PARP6: variants seen among roughly 807,000 people sequenced by gnomAD.
PARP6 encodes poly(ADP-ribose) polymerase family member 6, also known as protein mono-ADP-ribosyltransferase PARP6.
Under a neutral mutation model 92.0 loss-of-function variants are expected in PARP6, and 27 were observed. That is an observed-to-expected ratio of 0.29 (90% confidence interval 0.22 to 0.40). The LOEUF (loss-of-function observed/expected upper bound fraction) is 0.40. Ranked by LOEUF, PARP6 falls within the 10% of genes least tolerant of loss-of-function variation. The pLI is 1.00. For synonymous variants in PARP6, 272 were observed against 281.2 expected (o/e 0.97, Z 0.33); for missense variants, 501 against 784.5 (o/e 0.64, Z 4.32).
intron 9 of PARP6, among the ~76,000 whole-genome samples, chr15:72,261,017 T>G (rs901169077): frequency 5.9e-5 from 9 of 151,464 alleles, no homozygotes; most frequent in Admixed American, 3.3e-4. Context: ...GAAAAAAAAA[T>G]AGAGAGAGAG....
Position 72,242,276 on chromosome 15 carries a change from C to A in PARP6, c.1642-56G>T. ...GCCAGGTAGATGGGTACAGCTTTCC[C>A]TAGAGAGGCTGGTTAGCTGATGATT... On this transcript the variant is annotated intron_variant, in intron 21 of 23. Transcript: ENST00000569795. This position sits in a 1 kb window ranked among gnomAD's most constrained non-coding sequence, Gnocchi z 4.3. The A allele has an allele frequency of 7.2e-7, 1 of 1,394,586 alleles. No homozygotes were observed. Among genetic ancestry groups the A allele is most frequent in the East Asian group, 2.3e-5 (1 of 43,826 alleles). The allele number at this position is 1,394,586 out of a possible 1,614,324, so 86.4% of individuals were successfully genotyped here.
rs747510705 is a variant in PARP6 at position 72,250,837 on chromosome 15, C to T, written c.1418+8G>A. On this transcript the variant is annotated splice_region_variant and intron_variant, in intron 18 of 23. Coordinates refer to ENST00000569795, the MANE Select transcript of PARP6 (RefSeq NM_001323532.2). ...CCACCCCCACTGCCCAGCCCCCAGC[C>T]TCCTCACTGGAAGGCAAAGGTGCTG... 3.8e-6 allele frequency: 6 copies of T among 1,564,214 alleles called. No homozygotes were observed. The highest frequency in any genetic ancestry group is 5.3e-6 in the Non-Finnish European group (6 of 1,139,072).
chr15:72,264,014 C>CT (rs930888147), intron 8 of PARP6, among the ~76,000 whole-genome samples: 2 of 147,212 alleles, frequency 1.4e-5, no homozygotes, highest in African/African-American at 5.1e-5. Flanking sequence ...GAGCAAGACT[C>CT]TGTCTCCAAA....
chr15:72,250,772 T>C (rs1395272486), intron 18 of PARP6, 73 bp downstream of exon 18: 8 of 788,634 alleles, frequency 1.0e-5, no homozygotes, highest in African/African-American at 1.7e-5. Flanking sequence ...CACAAACTCA[T>C]ATCTCAAGGG....
chr15:72,270,341 T>C (rs1369451284), intron 2 of PARP6, among the ~76,000 whole-genome samples: 1 of 152,220 alleles, frequency 6.6e-6, no homozygotes, highest in South Asian at 2.1e-4. Context: ...GGTGAAGCTA[T>C]GTGACGTACA....
At chr15:72,246,696 A>T (rs2140912299) in intron 20 of PARP6, among the ~76,000 whole-genome samples, 1 of 152,314 alleles carries the variant, frequency 6.6e-6, no homozygotes, top group South Asian at 2.1e-4. Context: ...ACAATATAAA[A>T]AAGGCATCAC....
chr15:72,247,421 C>T (rs926395374), intron 20 of PARP6, among the ~76,000 whole-genome samples: 15 of 152,082 alleles, frequency 9.9e-5, no homozygotes, highest in African/African-American at 3.1e-4. Context: ...AATCATCCCA[C>T]GTCAGCCTCC....
At position 72,242,789 on chromosome 15, in the gene PARP6, C is replaced by T; in HGVS notation, c.1562-90G>A. 1 of 738,878 alleles carries T rather than the reference C, an allele frequency of 1.4e-6. No homozygotes were observed. The highest frequency in any genetic ancestry group is 2.3e-6 in the Non-Finnish European group (1 of 430,292). The allele number at this position is 738,878 out of a possible 1,614,324, so 45.8% of individuals were successfully genotyped here. The stretch of plus-strand genomic sequence containing the variant: ...GCACTGAGCTAGATGCTCATCAAAA[C>T]AGCAGAGAATAAAACAAAGAAGATT... On this transcript the variant is annotated intron_variant, in intron 20 of 23. Transcript: ENST00000569795. The surrounding 1 kb of genome is among the most constrained non-coding windows in gnomAD (Gnocchi z 4.3).
intron 15 of PARP6, 132 bp downstream of exon 15, chr15:72,254,323 A>G: frequency 1.5e-6 from 1 of 649,560 alleles, no homozygotes; most frequent in Non-Finnish European, 2.7e-6. Flanking sequence ...GGAAGGTTAA[A>G]GAGGAAAGAC....
chr15:72,267,335 C>T (rs2086734342), intron 3 of PARP6, 140 bp downstream of exon 3: 2 of 877,428 alleles, frequency 2.3e-6, no homozygotes, highest in Non-Finnish European at 3.7e-6. Flanking sequence ...TTCTGTGCCC[C>T]TTCCCTTTCC....
rs776969081 is a variant in PARP6 at position 72,242,743 on chromosome 15, G to C, written c.1562-44C>G. On this transcript the variant is annotated intron_variant, in intron 20 of 23. Coordinates refer to ENST00000569795, the MANE Select transcript of PARP6 (RefSeq NM_001323532.2). The surrounding 1 kb of genome is among the most constrained non-coding windows in gnomAD (Gnocchi z 4.3). ...CCCACTTCATTTATCAAAAATTTAC[G>C]AAAGTGCCTACTATGTCCCAGCACT... The C allele has an allele frequency of 1.6e-6, 2 of 1,279,042 alleles. No individual in the cohort carries two copies. The highest frequency in any genetic ancestry group is 1.9e-5 in the Admixed American group (1 of 52,882). 79.2% of individuals were successfully genotyped at this position (1,279,042 alleles called of 1,614,324 possible). A position where few individuals can be genotyped will look rare whatever the true frequency, so the allele number is the denominator to read the frequency against.
chr15:72,265,278 G>A, intron 6 of PARP6, 107 bp from the exon 7 acceptor site: 1 of 1,040,914 alleles, frequency 9.6e-7, no homozygotes, highest in Non-Finnish European at 1.5e-6. Flanking sequence ...ACCACTGTCT[G>A]CTGATGGTCT....
intron 2 of PARP6, among the ~76,000 whole-genome samples, chr15:72,269,549 T>C (rs1038642202): frequency 2.6e-5 from 4 of 152,264 alleles, no homozygotes; most frequent in Non-Finnish European, 4.4e-5. Flanking sequence ...CAGTATCATC[T>C]AGGAACTTGT....
intron 8 of PARP6, among the ~76,000 whole-genome samples, chr15:72,263,090 A>G (rs1339755911): frequency 1.3e-5 from 2 of 152,208 alleles, no homozygotes; most frequent in Non-Finnish European, 2.9e-5. Flanking sequence ...CCTTTAAATA[A>G]CATGTCAAAA....
intron 8 of PARP6, among the ~76,000 whole-genome samples, chr15:72,264,204 T>C (rs970469089): frequency 5.9e-5 from 9 of 152,158 alleles, no homozygotes; most frequent in African/African-American, 1.9e-4. Context: ...ATACCTAGCT[T>C]AATGCTCAAC....
intron 1 of PARP6, among the ~76,000 whole-genome samples, chr15:72,271,887 T>G (rs976533881): frequency 6.6e-6 from 1 of 152,204 alleles, no homozygotes; most frequent in Non-Finnish European, 1.5e-5. Flanking sequence ...GAGCCTCAAG[T>G]CTGGATCACA....
Position 72,265,435 on chromosome 15 carries a change from T to A in PARP6, c.215A>T (p.His72Leu). The A allele has an allele frequency of 6.2e-7, 1 of 1,613,806 alleles. No homozygotes were observed. Among genetic ancestry groups the A allele is most frequent in the South Asian group, 1.1e-5 (1 of 91,084 alleles). ...GTIDDVDIDL[H>L]INISFLDEEV... ...TACATCGAGGAAGCTGATGTTGATG[T>A]GGAGGTCAATGTCCACGTCATCGAT... The change falls in exon 6 of 24, where the codon CAC becomes CTC. Residue 72 changes from histidine to leucine, a missense_variant. By Grantham distance (99) the His-to-Leu change is moderately conservative. This residue lies in a region of PARP6 where 291 missense variants were observed against 352.0 expected (regional missense o/e 0.83). Coordinates refer to ENST00000569795, the MANE Select transcript of PARP6 (RefSeq NM_001323532.2).
Position 72,254,528 on chromosome 15 carries a change from G to T in PARP6, c.1126-8C>A. The T allele has an allele frequency of 1.2e-6, 2 of 1,604,570 alleles. No homozygotes were observed. The highest frequency in any genetic ancestry group is 2.2e-5 in the East Asian group (1 of 44,840). ...CCGCTCATAATTCTTCTTCTGTGGA[G>T]AATCAATGGGAAGAGAAGAACCAAA... On this transcript the variant is annotated splice_polypyrimidine_tract_variant and splice_region_variant and intron_variant, in intron 14 of 23. Coordinates refer to ENST00000569795, the MANE Select transcript of PARP6 (RefSeq NM_001323532.2).
At position 72,256,564 on chromosome 15, in the gene PARP6, A is replaced by G. The variant is rs754826821; in HGVS notation, c.1026T>C (p.Cys342=). The change falls in exon 14 of 24, where the codon TGT becomes TGC. Residue 342 remains cysteine, a synonymous_variant. Coordinates refer to ENST00000569795, the MANE Select transcript of PARP6 (RefSeq NM_001323532.2). The stretch of plus-strand genomic sequence containing the variant: ...TTCTAGGGGACTCTAAAGCTGCCCT[A>G]CACATGGCCACCAGCAGATCCACCA... The part of the protein sequence containing the change: ...AEVVDLLVAM[C]RAALESPRKS... The G allele has an allele frequency of 2.5e-6, 4 of 1,579,384 alleles. No individual in the cohort carries two copies. The highest frequency in any genetic ancestry group is 1.2e-5 in the South Asian group (1 of 85,824).
Sources: allele counts gnomAD v4.1 joint callset (sites outside exome capture counted in the v4.1 genomes callset), GRCh38; gene constraint gnomAD v4.1.1; regional missense constraint gnomAD v4.1.1; non-coding constraint Gnocchi (gnomAD v3.1); transcripts MANE v1.5; gene names NCBI Gene and HGNC (gene_info 2026-07-23, HGNC 2026-07-21).